WDFY4: variants seen among roughly 807,000 people sequenced by gnomAD.
WDFY4 encodes WD repeat- and FYVE domain-containing protein 4.
A neutral mutation model predicts 351.9 loss-of-function variants in WDFY4; 169 were observed. The ratio of observed to expected loss-of-function variants is 0.48; its 90% CI spans 0.42 to 0.55. The LOEUF is 0.55. Ranked by LOEUF, WDFY4 falls within the 20% of genes least tolerant of loss-of-function variation. The pLI is 0.00. For missense variants in WDFY4, 3,803 were observed against 3,935.6 expected (o/e 0.97, Z 0.90); for synonymous variants, 1,622 against 1,574.6 (o/e 1.03, Z -0.71).
chr10:48,876,089 C>CTGGGTGT lies in WDFY4; in HGVS notation c.7001-944_7001-943insTGGGTGT, dbSNP rs551072541. On this transcript the variant is annotated intron_variant, in intron 42 of 61. Coordinates refer to ENST00000325239, the MANE Select transcript of WDFY4 (RefSeq NM_001394531.1). ...TGCAGAGCCCCTGGGTGTCTGTGAC[C>CTGGGTGT]CTGGGCCTTCATGGTATTTCCAGTA... 5.5e-3 allele frequency among the ~76,000 whole-genome samples: 838 copies of CTGGGTGT among 152,216 alleles called. 4 individuals are homozygous for CTGGGTGT. Among genetic ancestry groups the CTGGGTGT allele is most frequent in the South Asian group, 0.017 (84 of 4,820 alleles).
intron 37 of WDFY4, 128 bp from the exon 38 acceptor site, chr10:48,830,572 C>T: frequency 9.6e-7 from 1 of 1,039,828 alleles, no homozygotes; most frequent in Non-Finnish European, 1.4e-6. Context: ...GCTTGCAAAG[C>T]TGGGGTGATG....
At chr10:48,852,028 G>A (rs2068973678) in intron 39 of WDFY4, among the ~76,000 whole-genome samples, 1 of 152,224 alleles carries the variant, frequency 6.6e-6, no homozygotes, top group African/African-American at 2.4e-5. Context: ...ATGCTATTTA[G>A]TTCCAATAAG....
chr10:48,946,305 G>A (rs1167509688), intron 50 of WDFY4, 148 bp downstream of exon 50: 1 of 678,886 alleles, frequency 1.5e-6, no homozygotes, highest in African/African-American at 1.9e-5. Flanking sequence ...AGTGCCTGGG[G>A]AGCTTCTAGA....
intron 47 of WDFY4, among the ~76,000 whole-genome samples, chr10:48,935,467 C>T (rs1840298309): frequency 1.3e-5 from 2 of 152,224 alleles, no homozygotes; most frequent in African/African-American, 4.8e-5. Flanking sequence ...ATGGCAACGG[C>T]CAAGCGGATG....
intron 39 of WDFY4, among the ~76,000 whole-genome samples, chr10:48,840,448 C>A (rs552611741): frequency 6.9e-4 from 91 of 130,960 alleles, no homozygotes; most frequent in Middle Eastern, 3.8e-3. Context: ...ACACACACAC[C>A]TCTCTCACGC....
At chr10:48,734,442 G>C (rs1188454558) in intron 10 of WDFY4, among the ~76,000 whole-genome samples, 2 of 151,750 alleles carry the variant, frequency 1.3e-5, no homozygotes, top group African/African-American at 4.8e-5. Flanking sequence ...CAGACATGAT[G>C]CACTTAGCAA....
At chr10:48,908,627 A>AT (rs61333667) in intron 47 of WDFY4, among the ~76,000 whole-genome samples, 37,254 of 149,498 alleles carry the variant, frequency 0.25, 6,646 homozygotes, top group African/African-American at 0.51. Context: ...AGGCTGTAAG[A>AT]TTTTTTTTTT....
chr10:48,955,708 G>A (rs1191051920), intron 51 of WDFY4, among the ~76,000 whole-genome samples: 1 of 152,220 alleles, frequency 6.6e-6, no homozygotes, highest in Non-Finnish European at 1.5e-5. Flanking sequence ...GAGATCATCT[G>A]AGCATGGACC....
At chr10:48,971,862 A>G (rs766890669) in intron 57 of WDFY4, among the ~76,000 whole-genome samples, 9 of 152,146 alleles carry the variant, frequency 5.9e-5, no homozygotes, top group African/African-American at 1.7e-4. Context: ...TCCTGATCTC[A>G]GCAAAGGGAC....
At chr10:48,723,336 G>T in intron 4 of WDFY4, 97 bp from the exon 5 acceptor site, 2 of 1,438,122 alleles carry the variant, frequency 1.4e-6, no homozygotes, top group Middle Eastern at 2.5e-4. Context: ...CTGTCCCATG[G>T]CCTCACTGAA....
At chr10:48,792,762 C>T (rs2066725859) in intron 23 of WDFY4, among the ~76,000 whole-genome samples, 1 of 152,144 alleles carries the variant, frequency 6.6e-6, no homozygotes, top group Admixed American at 6.5e-5. Flanking sequence ...TCAAGAACTA[C>T]TACATGCTTT....
chr10:48,724,555 C>T (rs577184875), intron 5 of WDFY4, among the ~76,000 whole-genome samples: 1 of 151,964 alleles, frequency 6.6e-6, no homozygotes, highest in Non-Finnish European at 1.5e-5. Context: ...TTTTAGGTGC[C>T]CTGAAGGGAA....
intron 39 of WDFY4, among the ~76,000 whole-genome samples, chr10:48,854,053 C>T (rs2069048794): frequency 6.6e-6 from 1 of 152,030 alleles, no homozygotes; most frequent in African/African-American, 2.4e-5. Context: ...ATGTTTATAA[C>T]CAAACTCATA....
intron 39 of WDFY4, among the ~76,000 whole-genome samples, chr10:48,866,587 T>C (rs1345150003): frequency 6.6e-6 from 1 of 152,174 alleles, no homozygotes; most frequent in African/African-American, 2.4e-5. Flanking sequence ...CACACCTCAG[T>C]GAATTCCTCT....
At chr10:48,837,986 T>TC (rs144960660) in intron 39 of WDFY4, among the ~76,000 whole-genome samples, 1,609 of 152,300 alleles carry the variant, frequency 0.011, 27 homozygotes, top group African/African-American at 0.037. Flanking sequence ...AGCCCTGTGT[T>TC]CCCCACAATT....
intron 1 of WDFY4, among the ~76,000 whole-genome samples, chr10:48,700,772 A>C (rs766023324): frequency 2.6e-5 from 4 of 152,216 alleles, no homozygotes; most frequent in Non-Finnish European, 5.9e-5. Context: ...CAGGGGGCCT[A>C]GTGCGGAGCT....
chr10:48,828,688 G>A (rs954725665), intron 36 of WDFY4, 90 bp from the exon 37 acceptor site: 2 of 738,252 alleles, frequency 2.7e-6, no homozygotes, highest in Non-Finnish European at 4.3e-6. Flanking sequence ...ATAATTATTG[G>A]AGGATGATTA....
rs534436592 is a variant in WDFY4 at position 48,835,271 on chromosome 10, G to T, written c.6663+2562G>T. Reference sequence around the variant, plus strand: ...AAAACAATGCAGGGTAAGGCAGGGAGGGGGGCGAGAGAGGGGCTGGGCTTG... The same window carrying T: ...AAAACAATGCAGGGTAAGGCAGGGATGGGGGCGAGAGAGGGGCTGGGCTTG... On this transcript the variant is annotated intron_variant, in intron 39 of 61. Transcript: ENST00000325239. Among the ~76,000 whole-genome samples the T allele has an allele frequency of 5.8e-4, 89 of 152,204 alleles. 1 individual carries two copies. In the South Asian group the frequency reaches 0.018, roughly 30 times the overall value.
intron 43 of WDFY4, among the ~76,000 whole-genome samples, chr10:48,879,690 C>G (rs1018824833): frequency 1.3e-5 from 2 of 152,194 alleles, no homozygotes; most frequent in Non-Finnish European, 2.9e-5. Flanking sequence ...TTTCCAAGCT[C>G]GTTCCAGTGC....
Sources: allele counts gnomAD v4.1 joint callset (sites outside exome capture counted in the v4.1 genomes callset), GRCh38; gene constraint gnomAD v4.1.1; transcripts MANE v1.5; gene names NCBI Gene and HGNC (gene_info 2026-07-23, HGNC 2026-07-21).